The following PDE7B variants were observed in gnomAD, a reference collection of about 807,000 sequenced individuals.
PDE7B encodes the protein phosphodiesterase 7B, also known as 3',5'-cyclic-AMP phosphodiesterase 7B.
A neutral mutation model predicts 56.2 loss-of-function variants in PDE7B; 29 were observed. That is an observed-to-expected ratio of 0.52 (90% CI 0.38 to 0.70). The LOEUF is 0.70. Among genes scored for constraint, PDE7B ranks in the 30% least tolerant of loss-of-function variants. PDE7B has a pLI of 0.00. For synonymous variants in PDE7B, 197 were observed against 196.9 expected, an observed-to-expected ratio of 1.00 and a Z score of 0.00; for missense variants, 490 against 565.0, an observed-to-expected ratio of 0.87 and a Z score of 1.35.
intron 2 of PDE7B, among the ~76,000 whole-genome samples, chr6:136,011,034 T>G (rs1775883883): frequency 6.6e-6 from 1 of 152,184 alleles, no homozygotes; most frequent in African/African-American, 2.4e-5. Context: ...ATTTACATTT[T>G]ACTCACACCT....
intron 2 of PDE7B, among the ~76,000 whole-genome samples, chr6:136,075,639 A>G (rs905169893): frequency 3.3e-5 from 5 of 152,176 alleles, no homozygotes; most frequent in Admixed American, 1.3e-4. Flanking sequence ...AGTGCCTTCA[A>G]TGCATACTGT....
intron 2 of PDE7B, among the ~76,000 whole-genome samples, chr6:136,057,882 G>C (rs149311781): frequency 6.6e-6 from 1 of 152,038 alleles, no homozygotes; most frequent in South Asian, 2.1e-4. Flanking sequence ...GGTCACAGGC[G>C]TGCACCACCT....
At chr6:136,061,657 A>T (rs1776843241) in intron 2 of PDE7B, among the ~76,000 whole-genome samples, 1 of 152,214 alleles carries the variant, frequency 6.6e-6, no homozygotes, top group Non-Finnish European at 1.5e-5. Context: ...CCACTCATAG[A>T]GTAGAAGCCA....
chr6:136,064,548 C>T (rs1343733991), intron 2 of PDE7B: 1 of 152,230 alleles, frequency 6.6e-6, no homozygotes, highest in East Asian at 1.9e-4. Context: ...GGTTCACTCT[C>T]ATTCGTCCCC....
intron 2 of PDE7B, among the ~76,000 whole-genome samples, chr6:135,968,082 G>T (rs1344279111): frequency 6.6e-6 from 1 of 152,166 alleles, no homozygotes; most frequent in East Asian, 1.9e-4. Context: ...AAATAGCTTT[G>T]TTGGGAGAAC....
chr6:135,977,775 C>T (rs1362466945), intron 2 of PDE7B, among the ~76,000 whole-genome samples: 3 of 151,990 alleles, frequency 2.0e-5, no homozygotes, highest in Admixed American at 6.6e-5. Flanking sequence ...TCAAAGTGTC[C>T]CTGACTTAAA....
At chr6:135,899,653 C>T (rs997336928) in intron 1 of PDE7B, among the ~76,000 whole-genome samples, 2 of 151,614 alleles carry the variant, frequency 1.3e-5, no homozygotes, top group East Asian at 3.9e-4. Flanking sequence ...TGTGTAGCTT[C>T]CTATATAAAT....
chr6:136,082,112 C>A (rs1456715734), intron 2 of PDE7B, among the ~76,000 whole-genome samples: 1 of 152,132 alleles, frequency 6.6e-6, no homozygotes, highest in Non-Finnish European at 1.5e-5. Context: ...CTTTGTGAAG[C>A]AATGTAAGGT....
chr6:136,092,392 G>A (rs1471058417), intron 2 of PDE7B, among the ~76,000 whole-genome samples: 2 of 152,156 alleles, frequency 1.3e-5, no homozygotes, highest in South Asian at 2.1e-4. Flanking sequence ...TGAGAAAAGT[G>A]TCAGAAAACT....
intron 2 of PDE7B, among the ~76,000 whole-genome samples, chr6:136,077,154 GAAGAA>G (rs2128214672): frequency 6.6e-6 from 1 of 152,170 alleles, no homozygotes; most frequent in Admixed American, 6.5e-5. Flanking sequence ...GCACAGGAGA[GAAGAA>G]AAGAGAAGGA....
intron 1 of PDE7B, among the ~76,000 whole-genome samples, chr6:135,943,002 C>T (rs918012308): frequency 7.2e-5 from 11 of 152,066 alleles, no homozygotes; most frequent in African/African-American, 1.7e-4. Flanking sequence ...AATAAAAGTC[C>T]AATTTTAGAT....
chr6:136,037,676 C>T (rs1241892838), intron 2 of PDE7B: 15 of 985,334 alleles, frequency 1.5e-5, no homozygotes, highest in Non-Finnish European at 1.8e-5. Flanking sequence ...TGACTCCTCA[C>T]CTGACACCTC....
intron 2 of PDE7B, chr6:136,038,141 A>AT (rs1776355871): frequency 1.0e-5 from 13 of 1,286,606 alleles, no homozygotes; most frequent in Non-Finnish European, 1.3e-5. Flanking sequence ...AGAGGATCTT[A>AT]CGGGGGTTCG....
chr6:135,948,975 T>G (rs1467637404), intron 2 of PDE7B, among the ~76,000 whole-genome samples: 1 of 151,958 alleles, frequency 6.6e-6, no homozygotes, highest in African/African-American at 2.4e-5. Context: ...TGTTAAGCCA[T>G]GTGTCCCAGT....
chr6:135,921,696 C>A (rs1424085134), intron 1 of PDE7B, among the ~76,000 whole-genome samples: 2 of 151,912 alleles, frequency 1.3e-5, no homozygotes, highest in Non-Finnish European at 2.9e-5. Context: ...AATTTTTATT[C>A]TAATACCTTC....
chr6:136,070,103 A>G (rs1044264916), intron 2 of PDE7B: 35 of 152,116 alleles, frequency 2.3e-4, no homozygotes, highest in African/African-American at 7.7e-4. Flanking sequence ...ACTATATTCA[A>G]CTGTATTCAG....
intron 2 of PDE7B, among the ~76,000 whole-genome samples, chr6:136,002,296 T>A (rs1334774130): frequency 6.6e-6 from 1 of 152,100 alleles, no homozygotes; most frequent in African/African-American, 2.4e-5. Flanking sequence ...CATCAACTAA[T>A]GAGCAAAATA....
intron 1 of PDE7B, among the ~76,000 whole-genome samples, chr6:135,946,566 G>A (rs1403503524): frequency 6.6e-6 from 1 of 152,008 alleles, no homozygotes; most frequent in Non-Finnish European, 1.5e-5. Flanking sequence ...GAAAACACTT[G>A]TTATTGCCAG....
At chr6:135,953,770 A>G (rs913235653) in intron 2 of PDE7B, among the ~76,000 whole-genome samples, 3 of 152,198 alleles carry the variant, frequency 2.0e-5, no homozygotes, top group Non-Finnish European at 4.4e-5. Flanking sequence ...CTTATAGGTT[A>G]TGAAAGAAAT....
Sources: allele counts gnomAD v4.1 joint callset (sites outside exome capture counted in the v4.1 genomes callset), GRCh38; gene constraint gnomAD v4.1.1; transcripts MANE v1.5; gene names NCBI Gene and HGNC (gene_info 2026-07-23, HGNC 2026-07-21).